Variants in USP54 observed in about 807,000 individuals in gnomAD.
USP54 encodes the protein ubiquitin carboxyl-terminal hydrolase 54.
In USP54, 87 loss-of-function variants were observed where a neutral mutation model predicts 170.5. The ratio of observed to expected loss-of-function variants is 0.51; its 90% CI spans 0.43 to 0.61. The LOEUF is 0.61. Ranked by LOEUF, USP54 falls within the 20% of genes least tolerant of loss-of-function variation. The pLI is 0.00. For synonymous variants in USP54, 655 were observed against 742.8 expected (o/e 0.88, Z 1.92); for missense variants, 1,786 against 2,047.8 (o/e 0.87, Z 2.47).
At chr10:73,545,466 A>G in intron 5 of USP54, 72 bp downstream of exon 5, 1 of 1,570,450 alleles carries the variant, frequency 6.4e-7, no homozygotes, top group Non-Finnish European at 8.7e-7. Context: ...TCCACCATAA[A>G]GTAGCCAGTC....
At chr10:73,540,599 GT>G (rs1426274939) in intron 9 of USP54, among the ~76,000 whole-genome samples, 1 of 152,146 alleles carries the variant, frequency 6.6e-6, no homozygotes, top group African/African-American at 2.4e-5. Context: ...AATTGCTTTT[GT>G]TTTTAAGAGA....
At chr10:73,503,602 C>A (rs2058555037) in intron 22 of USP54, among the ~76,000 whole-genome samples, 1 of 152,214 alleles carries the variant, frequency 6.6e-6, no homozygotes. Context: ...ATTGAAAGTA[C>A]ATGAGAACAA....
intron 16 of USP54, among the ~76,000 whole-genome samples, chr10:73,524,443 G>C (rs1315235794): frequency 6.6e-6 from 1 of 151,938 alleles, no homozygotes; most frequent in Non-Finnish European, 1.5e-5. Context: ...AGCCAGGTTT[G>C]GTGGCAGGCG....
chr10:73,554,314 A>G, intron 4 of USP54, among the ~76,000 whole-genome samples: 1 of 152,326 alleles, frequency 6.6e-6, no homozygotes, highest in South Asian at 2.1e-4. Context: ...CTCAATTCTT[A>G]GGGTTTCTCT....
At chr10:73,545,174 G>A (rs2067508153) in intron 5 of USP54, among the ~76,000 whole-genome samples, 2 of 152,118 alleles carry the variant, frequency 1.3e-5, no homozygotes, top group East Asian at 1.9e-4. Flanking sequence ...AGAAATGGAG[G>A]AGCAGCATCA....
chr10:73,590,434 C>G (rs565666457), intron 1 of USP54, among the ~76,000 whole-genome samples: 79 of 152,158 alleles, frequency 5.2e-4, no homozygotes, highest in African/African-American at 1.8e-3. Flanking sequence ...TTGGGAGAAT[C>G]CAAAGCTCAT....
chr10:73,567,693 C>A (rs953670102), intron 4 of USP54, among the ~76,000 whole-genome samples: 2 of 152,072 alleles, frequency 1.3e-5, no homozygotes, highest in African/African-American at 2.4e-5. Flanking sequence ...AGAAACAGAA[C>A]TGAATGTTAT....
At position 73,518,208 on chromosome 10, in the gene USP54, C is replaced by T. The variant is rs1227335232; in HGVS notation, c.2679-461G>A. The T allele has an allele frequency of 5.1e-6, 5 of 985,260 alleles. No individual in the cohort carries two copies. In the African/African-American group the frequency reaches 7.0e-5, roughly 14 times the overall value. 61.0% of individuals were successfully genotyped at this position (985,260 alleles called of 1,614,324 possible). A position where few individuals can be genotyped will look rare whatever the true frequency, so the allele number is the denominator to read the frequency against. On this transcript the variant is annotated intron_variant, in intron 19 of 23. Transcript: ENST00000687698. ...TCCTACCTGGGGTCCTGAGAGGCAG[C>T]CCGGCCAAAGGAACTATGAGGCCAC...
Position 73,517,237 on chromosome 10 carries a change from C to T in USP54, c.3189G>A (p.Gln1063=). The part of the protein sequence containing the change: ...LGCSPSNSSA[Q]PSLPLYRTCH... ...AGGTTCTATACAGGGGAAGGCTGGG[C>T]TGAGCTGATGAATTTGAAGGACTAC... The change falls in exon 20 of 24, where the codon CAG becomes CAA. Residue 1063 remains glutamine (Q), a synonymous_variant. Coordinates refer to ENST00000687698, the MANE Select transcript of USP54 (RefSeq NM_001391956.1). 1.2e-6 allele frequency: 2 copies of T among 1,614,176 alleles called. No homozygotes were observed. The highest frequency in any genetic ancestry group is 2.2e-5 in the South Asian group (2 of 91,086).
chr10:73,611,065 GTTT>G, intron 1 of USP54, among the ~76,000 whole-genome samples: 1 of 152,218 alleles, frequency 6.6e-6, no homozygotes. Context: ...GCAACAGTGA[GTTT>G]TTTAAAAAAC....
At position 73,571,407 on chromosome 10, in the gene USP54, T is replaced by G. The variant is rs753921217; in HGVS notation, c.240+14A>C. 21 of 1,610,616 alleles carry G rather than the reference T, an allele frequency of 1.3e-5. No individual in the cohort carries two copies. The highest frequency in any genetic ancestry group is 1.6e-5 in the Non-Finnish European group (19 of 1,177,874). On this transcript the variant is annotated intron_variant, in intron 4 of 23. Transcript: ENST00000687698. ...CCCAATGGTAGTGAGAAGAAACTAA[T>G]TGGAAGTACTTACCTTGAGAGCGCA...
intron 1 of USP54, among the ~76,000 whole-genome samples, chr10:73,612,197 T>C (rs1337669415): frequency 1.3e-5 from 2 of 152,236 alleles, no homozygotes; most frequent in African/African-American, 4.8e-5. Flanking sequence ...ACATATACTA[T>C]TGAGGATTTT....
At chr10:73,583,570 G>A (rs1228885801) in intron 1 of USP54, among the ~76,000 whole-genome samples, 1 of 152,134 alleles carries the variant, frequency 6.6e-6, no homozygotes, top group East Asian at 1.9e-4. Context: ...ACAGGCGTGA[G>A]CCACTGCACC....
At chr10:73,506,758 T>G (rs2059197374) in intron 20 of USP54, 1 of 152,094 alleles carries the variant, frequency 6.6e-6, no homozygotes, top group African/African-American at 2.4e-5. Flanking sequence ...TCCCAAAAAG[T>G]CTAAGAAAAT....
At chr10:73,587,216 G>A (rs1463407818) in intron 1 of USP54, among the ~76,000 whole-genome samples, 1 of 152,112 alleles carries the variant, frequency 6.6e-6, no homozygotes, top group Non-Finnish European at 1.5e-5. Context: ...GCTCACTCCT[G>A]TAATCCCAGC....
At chr10:73,533,167 G>A (rs58845345) in intron 12 of USP54, among the ~76,000 whole-genome samples, 5,392 of 152,054 alleles carry the variant, frequency 0.035, 276 homozygotes, top group African/African-American at 0.12. Context: ...TTAGCCAGGC[G>A]TGGTGGCGGG....
chr10:73,525,422 T>C (rs562596116), intron 16 of USP54, among the ~76,000 whole-genome samples: 51 of 152,326 alleles, frequency 3.3e-4, no homozygotes, highest in African/African-American at 1.2e-3. Context: ...AAGAATCTTG[T>C]CATAACTCCT....
chr10:73,523,887 TTATTA>T (rs1564687634), intron 16 of USP54, 137 bp from the exon 17 acceptor site: 7 of 89,174 alleles, frequency 7.8e-5, no homozygotes, highest in African/African-American at 3.2e-4. Context: ...TTATTTATTA[TTATTA>T]TTATTATTAT....
chr10:73,586,501 T>C (rs553616391), intron 1 of USP54, among the ~76,000 whole-genome samples: 11 of 152,178 alleles, frequency 7.2e-5, no homozygotes, highest in Non-Finnish European at 7.4e-5. Flanking sequence ...ATCTTTCTAA[T>C]TCCACACAGA....
Sources: gnomAD v4.1 joint callset for allele counts (sites outside exome capture counted in the v4.1 genomes callset) on GRCh38, gnomAD v4.1.1 for gene constraint, MANE v1.5 for transcripts, NCBI Gene and HGNC (gene_info 2026-07-23, HGNC 2026-07-21) for gene names.